Variants in RORA observed in about 807,000 individuals in gnomAD.
RORA encodes the protein nuclear receptor ROR-alpha.
Under a neutral mutation model 69.5 loss-of-function variants are expected in RORA, and 7 were observed. The observed-to-expected ratio is 0.10, with a 90% CI of 0.06 to 0.19. RORA has a LOEUF of 0.19. Among genes scored for constraint, RORA ranks in the 10% least tolerant of loss-of-function variants. The pLI, the probability that RORA is intolerant of heterozygous loss-of-function variation, is 1.00. For missense variants in RORA, 457 were observed against 663.0 expected (o/e 0.69, Z 3.41); for synonymous variants, 261 against 240.8 (o/e 1.08, Z -0.78).
intron 2 of RORA, among the ~76,000 whole-genome samples, chr15:60,612,618 G>C (rs796758125): frequency 4.0e-5 from 6 of 149,584 alleles, no homozygotes; most frequent in African/African-American, 1.5e-4. Flanking sequence ...GCTGAAATCC[G>C]AGACACCTCT....
intron 2 of RORA, among the ~76,000 whole-genome samples, chr15:60,573,438 A>C (rs2067939790): frequency 6.6e-6 from 1 of 152,142 alleles, no homozygotes; most frequent in Admixed American, 6.5e-5. Context: ...AAGCTTTTTT[A>C]TCTCTTGAAA....
At chr15:60,551,336 G>A (rs1227265075) in intron 2 of RORA, among the ~76,000 whole-genome samples, 1 of 151,980 alleles carries the variant, frequency 6.6e-6, no homozygotes, top group East Asian at 1.9e-4. Context: ...AAGCCGGTCA[G>A]TTTCACAAGT....
chr15:60,651,121 G>A lies in RORA; in HGVS notation c.196+27536C>T, dbSNP rs560979752. Among the ~76,000 whole-genome samples the A allele has an allele frequency of 8.5e-5, 13 of 152,228 alleles. No homozygotes were observed. The South Asian group carries it at 2.5e-3, about 29-fold the overall frequency. On this transcript the variant is annotated intron_variant, in intron 2 of 10. Coordinates refer to ENST00000335670, the MANE Select transcript of RORA (RefSeq NM_134261.3). The stretch of plus-strand genomic sequence containing the variant: ...TACTGAACAGTTTTGATTAGGGAGC[G>A]GATGTGAGGCAGAGGAAATATTATC...
At chr15:60,775,810 T>C (rs527695698) in intron 1 of RORA, among the ~76,000 whole-genome samples, 23 of 152,316 alleles carry the variant, frequency 1.5e-4, no homozygotes, top group African/African-American at 5.5e-4. Context: ...CAAACCTCTT[T>C]AGGTTTAAAA....
Position 60,841,372 on chromosome 15 carries a change from G to A in RORA, c.167-162686C>T, listed in dbSNP as rs375517670. Among the ~76,000 whole-genome samples, 22 of 152,260 alleles carry A rather than the reference G, an allele frequency of 1.4e-4. No homozygotes were observed. The East Asian group carries it at 3.3e-3, about 23-fold the overall frequency. ...ATTTGGATCGTCCTGTGGCTGCCGCGGCCACAGCCATCCAACCAGCAGCTC... is the reference window on the plus strand; with the variant it reads ...ATTTGGATCGTCCTGTGGCTGCCGCAGCCACAGCCATCCAACCAGCAGCTC... On this transcript the variant is annotated intron_variant, in intron 1 of 10. Transcript: ENST00000335670.
intron 1 of RORA, among the ~76,000 whole-genome samples, chr15:60,743,516 C>T (rs1198318292): frequency 2.6e-5 from 4 of 152,200 alleles, no homozygotes; most frequent in Non-Finnish European, 5.9e-5. Flanking sequence ...AATAGCATAT[C>T]TACTTGAAGT....
chr15:61,219,609 A>C (rs1220664179), intron 1 of RORA, among the ~76,000 whole-genome samples: 1 of 152,008 alleles, frequency 6.6e-6, no homozygotes, highest in East Asian at 1.9e-4. Context: ...CATTATTCGA[A>C]CTTTGGAGGA....
intron 1 of RORA, among the ~76,000 whole-genome samples, chr15:60,837,396 G>C (rs2073132078): frequency 6.6e-6 from 1 of 152,180 alleles, no homozygotes; most frequent in African/African-American, 2.4e-5. Flanking sequence ...CTACAGGTGG[G>C]GCTTTAATAA....
At chr15:60,621,903 C>T (rs958552522) in intron 2 of RORA, among the ~76,000 whole-genome samples, 9 of 152,024 alleles carry the variant, frequency 5.9e-5, no homozygotes, top group Non-Finnish European at 1.3e-4. Context: ...CAAAAATTAG[C>T]CGGGCGTGGT....
intron 1 of RORA, among the ~76,000 whole-genome samples, chr15:61,008,166 T>A (rs1894973117): frequency 6.6e-6 from 1 of 151,734 alleles, no homozygotes; most frequent in Non-Finnish European, 1.5e-5. Context: ...TGGATAAACA[T>A]GTGGAGGTAT....
chr15:61,045,097 C>T (rs1381860277), intron 1 of RORA, among the ~76,000 whole-genome samples: 2 of 152,172 alleles, frequency 1.3e-5, no homozygotes, highest in Non-Finnish European at 2.9e-5. Flanking sequence ...GCTGTGTCTC[C>T]ACCCACATCT....
chr15:61,068,912 G>C (rs2078301193), intron 1 of RORA, among the ~76,000 whole-genome samples: 1 of 152,284 alleles, frequency 6.6e-6, no homozygotes, highest in South Asian at 2.1e-4. Context: ...ACCACTGAAA[G>C]CAATTTATGA....
At chr15:60,522,591 T>C (rs535034600) in intron 3 of RORA, among the ~76,000 whole-genome samples, 22 of 151,086 alleles carry the variant, frequency 1.5e-4, no homozygotes, top group Admixed American at 5.3e-4. Context: ...CTGGGCAACA[T>C]AGACCCTGTC....
At chr15:61,143,993 G>C (rs953475365) in intron 1 of RORA, among the ~76,000 whole-genome samples, 4 of 152,116 alleles carry the variant, frequency 2.6e-5, no homozygotes, top group African/African-American at 7.2e-5. Flanking sequence ...ATGACAAAGA[G>C]GCAAAAGTAT....
intron 1 of RORA, among the ~76,000 whole-genome samples, chr15:60,809,580 C>T (rs902828692): frequency 1.3e-4 from 20 of 152,110 alleles, no homozygotes; most frequent in African/African-American, 2.7e-4. Flanking sequence ...CCTTCCACGA[C>T]GGAAGATGAG....
intron 1 of RORA, among the ~76,000 whole-genome samples, chr15:60,691,624 G>A (rs962007560): frequency 6.6e-6 from 1 of 152,196 alleles, no homozygotes; most frequent in Admixed American, 6.5e-5. Flanking sequence ...TTGCACAGCT[G>A]AAGAGAAACT....
At chr15:60,675,507 C>T (rs1045328598) in intron 2 of RORA, among the ~76,000 whole-genome samples, 5 of 152,136 alleles carry the variant, frequency 3.3e-5, no homozygotes, top group East Asian at 3.8e-4. Flanking sequence ...AATTTGGGCA[C>T]GAGAAACACT....
At chr15:60,882,333 G>A (rs1303240715) in intron 1 of RORA, among the ~76,000 whole-genome samples, 1 of 152,156 alleles carries the variant, frequency 6.6e-6, no homozygotes, top group Non-Finnish European at 1.5e-5. Flanking sequence ...GACCTCTAAT[G>A]GGCAGAGGTC....
At chr15:61,079,423 T>C (rs7172016) in intron 1 of RORA, among the ~76,000 whole-genome samples, 10,332 of 152,256 alleles carry the variant, frequency 0.068, 549 homozygotes, top group East Asian at 0.16. Flanking sequence ...CCTGACTTTA[T>C]TCCCCTGATG....
Sources: gnomAD v4.1 joint callset for allele counts (sites outside exome capture counted in the v4.1 genomes callset) on GRCh38, gnomAD v4.1.1 for gene constraint, MANE v1.5 for transcripts, NCBI Gene and HGNC (gene_info 2026-07-23, HGNC 2026-07-21) for gene names.